Variants in YWHAG observed in about 807,000 individuals in gnomAD.
YWHAG encodes 14-3-3 protein gamma.
Under a neutral mutation model 23.3 loss-of-function variants are expected in YWHAG, and 1 was observed. The ratio of observed to expected loss-of-function variants is 0.04; its 90% CI spans 0.02 to 0.20. The LOEUF is 0.20. Among genes scored for constraint, YWHAG ranks in the 10% least tolerant of loss-of-function variants. The probability of loss-of-function intolerance (pLI) is 1.00; values close to 1 mark genes in which losing one functional copy is unlikely to be tolerated. For synonymous variants in YWHAG, 160 were observed against 144.0 expected (o/e 1.11, Z -0.80); for missense variants, 151 against 338.6 (o/e 0.45, Z 4.35).
At chr7:76,356,330 C>T (rs1211169172) in intron 1 of YWHAG, among the ~76,000 whole-genome samples, 6 of 152,164 alleles carry the variant, frequency 3.9e-5, no homozygotes, top group Non-Finnish European at 8.8e-5. Flanking sequence ...GGGACAGAGC[C>T]TATTTCCTTA....
chr7:76,347,986 G>A (rs574330080), intron 1 of YWHAG, among the ~76,000 whole-genome samples: 26 of 152,310 alleles, frequency 1.7e-4, no homozygotes, highest in African/African-American at 5.8e-4. Context: ...AAAAGAAACC[G>A]GGTTACACTT....
chr7:76,342,861 G>T (rs968093242), intron 1 of YWHAG, among the ~76,000 whole-genome samples: 1 of 152,238 alleles, frequency 6.6e-6, no homozygotes, highest in East Asian at 1.9e-4. Flanking sequence ...AACCAGCCGG[G>T]CACAGTGGCT....
chr7:76,338,549 T>G (rs1803648079), intron 1 of YWHAG, among the ~76,000 whole-genome samples: 1 of 152,160 alleles, frequency 6.6e-6, no homozygotes, highest in Non-Finnish European at 1.5e-5. Flanking sequence ...GCCCTCAGGC[T>G]GCAAATCTTG....
intron 1 of YWHAG, among the ~76,000 whole-genome samples, chr7:76,345,265 A>G (rs2115630110): frequency 6.7e-6 from 1 of 148,704 alleles, no homozygotes; most frequent in African/African-American, 2.5e-5. Flanking sequence ...GGCTCACTGC[A>G]AGCTCTGCCT....
At chr7:76,334,560 C>A (rs1234811068) in intron 1 of YWHAG, among the ~76,000 whole-genome samples, 1 of 151,932 alleles carries the variant, frequency 6.6e-6, no homozygotes, top group Non-Finnish European at 1.5e-5. Context: ...GGACTACAGG[C>A]ATCTACCACC....
At chr7:76,356,511 G>A (rs1803962723) in intron 1 of YWHAG, among the ~76,000 whole-genome samples, 1 of 152,140 alleles carries the variant, frequency 6.6e-6, no homozygotes, top group Non-Finnish European at 1.5e-5. Context: ...AAATGACTCA[G>A]TAGGAAGTCA....
At chr7:76,343,029 TGA>T (rs1803720719) in intron 1 of YWHAG, among the ~76,000 whole-genome samples, 1 of 151,818 alleles carries the variant, frequency 6.6e-6, no homozygotes, top group Admixed American at 6.6e-5. Context: ...CCCAGCTACT[TGA>T]GAGGGTGAGG....
intron 1 of YWHAG, among the ~76,000 whole-genome samples, chr7:76,340,593 T>G (rs2115617629): frequency 6.6e-6 from 1 of 152,262 alleles, no homozygotes; most frequent in East Asian, 1.9e-4. Context: ...TATTCCTAAT[T>G]TAAAGAAAAT....
chr7:76,329,710 G>A lies in YWHAG; in HGVS notation c.611C>T (p.Ala204Val). Residue 204 changes from alanine (A) to valine (V), a missense_variant, in exon 2 of 2, where the codon GCC (alanine) becomes GTC (valine). Physicochemically the swap from Ala to Val is moderately conservative, Grantham distance 64. Transcript: ENST00000307630. This position sits in a 1 kb window ranked among gnomAD's most constrained non-coding sequence, Gnocchi z 6.1. Reference sequence around the variant, plus strand: ...GTTGAGGGTGTCAAGCTCGGCGATGGCGTCGTCGAACGCGGTCTTGGCCAA... The same window carrying A: ...GTTGAGGGTGTCAAGCTCGGCGATGACGTCGTCGAACGCGGTCTTGGCCAA... ...CHLAKTAFDD[A>V]IAELDTLNED... 1 of 1,614,222 alleles carries A rather than the reference G, an allele frequency of 6.2e-7. No individual in the cohort carries two copies. Among genetic ancestry groups the A allele is most frequent in the Non-Finnish European group, 8.5e-7 (1 of 1,180,032 alleles).
In YWHAG at chr7:76,358,849, T is replaced by G. The variant is rs758194783; in HGVS notation, c.-41A>C. ...TCTGGCCGGAGAAGGAGGAGGACAC[T>G]GGGGCGGCCTGAAGGGCTTGGAGGG... On this transcript the variant is annotated 5_prime_UTR_variant, in exon 1 of 2. Coordinates refer to ENST00000307630, the MANE Select transcript of YWHAG (RefSeq NM_012479.4). 1.9e-6 allele frequency: 3 copies of G among 1,563,420 alleles called. No homozygotes were observed. The highest frequency in any genetic ancestry group is 8.7e-7 in the Non-Finnish European group (1 of 1,153,686).
At chr7:76,342,217 A>G (rs1291272546) in intron 1 of YWHAG, among the ~76,000 whole-genome samples, 1 of 152,224 alleles carries the variant, frequency 6.6e-6, no homozygotes, top group Non-Finnish European at 1.5e-5. Context: ...GAAAGATGAA[A>G]AAGGACAGGA....
intron 1 of YWHAG, among the ~76,000 whole-genome samples, chr7:76,332,287 C>T (rs903862131): frequency 3.3e-5 from 5 of 152,198 alleles, no homozygotes; most frequent in South Asian, 2.1e-4. Context: ...ACAGGCACCT[C>T]GTGTCTCATT....
rs982275200 is a variant in YWHAG at position 76,327,484 on chromosome 7, C to T, written c.*2093G>A. ...AATATCAAGTCTCCCATTCCCTCTCCGTTTTCAGCCCTCAGGTGTGATTTT... is the reference window on the plus strand; with the variant it reads ...AATATCAAGTCTCCCATTCCCTCTCTGTTTTCAGCCCTCAGGTGTGATTTT... On this transcript the variant is annotated 3_prime_UTR_variant, in exon 2 of 2. Transcript: ENST00000307630. 2 of 152,550 alleles carry T rather than the reference C, an allele frequency of 1.3e-5. No individual in the cohort carries two copies. The highest frequency in any genetic ancestry group is 4.8e-5 in the African/African-American group (2 of 41,422). 9.4% of individuals were successfully genotyped at this position (152,550 alleles called of 1,614,324 possible).
intron 1 of YWHAG, among the ~76,000 whole-genome samples, chr7:76,343,494 T>C (rs1803729801): frequency 6.6e-6 from 1 of 152,224 alleles, no homozygotes; most frequent in Non-Finnish European, 1.5e-5. Context: ...GGTGGTACCT[T>C]AACTCAACAG....
Position 76,348,497 on chromosome 7 carries a change from G to A in YWHAG, c.87+10225C>T, listed in dbSNP as rs554723330. 8.7e-5 allele frequency among the ~76,000 whole-genome samples: 13 copies of A among 148,726 alleles called. No homozygotes were observed. In the East Asian group the frequency reaches 2.2e-3, roughly 25 times the overall value. Reference sequence around the variant, plus strand: ...AGTGCAGTGCAAGCTGCGCCACCCCGGGTTCACGCCATTCTCCTGCCTCAG... The same window carrying A: ...AGTGCAGTGCAAGCTGCGCCACCCCAGGTTCACGCCATTCTCCTGCCTCAG... On this transcript the variant is annotated intron_variant, in intron 1 of 1. Coordinates refer to ENST00000307630, the MANE Select transcript of YWHAG (RefSeq NM_012479.4).
At chr7:76,331,676 G>A (rs568357729) in intron 1 of YWHAG, among the ~76,000 whole-genome samples, 1 of 152,088 alleles carries the variant, frequency 6.6e-6, no homozygotes, top group Admixed American at 6.5e-5. Context: ...GGGGCATGGG[G>A]GAACTGAACT....
chr7:76,342,540 T>C (rs955246857), intron 1 of YWHAG, among the ~76,000 whole-genome samples: 3 of 152,182 alleles, frequency 2.0e-5, no homozygotes, highest in East Asian at 1.9e-4. Flanking sequence ...CTTAAGATCT[T>C]TCTCTCTTGG....
intron 1 of YWHAG, among the ~76,000 whole-genome samples, chr7:76,357,578 T>C (rs533593612): frequency 1.3e-5 from 2 of 152,184 alleles, no homozygotes; most frequent in Non-Finnish European, 2.9e-5. Context: ...GGGATGAATC[T>C]GCAACCCAGA....
intron 1 of YWHAG, among the ~76,000 whole-genome samples, chr7:76,335,963 C>A (rs942455934): frequency 6.6e-6 from 1 of 151,878 alleles, no homozygotes; most frequent in African/African-American, 2.4e-5. Flanking sequence ...CACCACACCC[C>A]CCAAAAAAAA....
Sources: gnomAD v4.1 joint callset for allele counts (sites outside exome capture counted in the v4.1 genomes callset) on GRCh38, gnomAD v4.1.1 for gene constraint, Gnocchi (gnomAD v3.1) non-coding constraint, MANE v1.5 for transcripts, NCBI Gene and HGNC (gene_info 2026-07-23, HGNC 2026-07-21) for gene names.